Variants in ARMC2 observed in about 807,000 individuals in gnomAD.
The protein encoded by ARMC2 is armadillo repeat containing 2.
Under a neutral mutation model 90.3 loss-of-function variants are expected in ARMC2, and 67 were observed. The ratio of observed to expected loss-of-function variants is 0.74; its 90% CI spans 0.61 to 0.91. The LOEUF is 0.91. Ranked by LOEUF, ARMC2 falls within the 40% of genes least tolerant of loss-of-function variation. The pLI is 0.00. For synonymous variants in ARMC2, 393 were observed against 393.0 expected, an observed-to-expected ratio of 1.00 and a Z score of 0.00; for missense variants, 920 against 1,030.9, an observed-to-expected ratio of 0.89 and a Z score of 1.47.
the ARMC2 span, among the ~76,000 whole-genome samples, chr6:109,051,833 T>C: frequency 2.0e-5 from 3 of 152,202 alleles, no homozygotes; most frequent in Non-Finnish European, 2.9e-5. Context: ...TCTCCTTACA[T>C]GACAGAAGAC....
intron 6 of ARMC2, among the ~76,000 whole-genome samples, chr6:108,895,061 C>A (rs1771465050): frequency 6.6e-6 from 1 of 150,734 alleles, no homozygotes. Flanking sequence ...CCACCACGCC[C>A]GGCCTAGATG....
At chr6:109,006,438 T>TCCC in the ARMC2 span, among the ~76,000 whole-genome samples, 3 of 143,286 alleles carry the variant, frequency 2.1e-5, no homozygotes, top group Non-Finnish European at 3.0e-5. Context: ...CCTAATGCTA[T>TCCC]CCCTCCCCCC....
At chr6:108,863,922 T>C (rs1775541740) in intron 3 of ARMC2, among the ~76,000 whole-genome samples, 1 of 152,200 alleles carries the variant, frequency 6.6e-6, no homozygotes, top group African/African-American at 2.4e-5. Flanking sequence ...CCAGCCCCAC[T>C]TCTAACAGCG....
downstream of ARMC2, among the ~76,000 whole-genome samples, chr6:108,977,350 A>G (rs773677716): frequency 4.6e-5 from 7 of 152,226 alleles, no homozygotes; most frequent in South Asian, 2.1e-4. Context: ...GGTGAAGCCA[A>G]CTTGATCATG....
chr6:108,937,977 G>A (rs1056770043), intron 12 of ARMC2, among the ~76,000 whole-genome samples: 3 of 152,178 alleles, frequency 2.0e-5, no homozygotes, highest in African/African-American at 7.2e-5. Context: ...TGGGATTATA[G>A]GCGTGAGCCA....
At chr6:108,876,886 T>C (rs117427654) in intron 5 of ARMC2, among the ~76,000 whole-genome samples, 1,743 of 152,366 alleles carry the variant, frequency 0.011, 6 homozygotes, top group South Asian at 0.031. Flanking sequence ...TGGGAATTGC[T>C]TTATTTCATA....
At chr6:108,928,409 A>C (rs2798640) in intron 11 of ARMC2, among the ~76,000 whole-genome samples, 176 bp downstream of exon 11, 38,282 of 152,012 alleles carry the variant, frequency 0.25, 5,098 homozygotes, top group East Asian at 0.4. Context: ...AAACAAATGA[A>C]CCCATTGTCT....
chr6:108,855,291 C>T (rs970849479), intron 2 of ARMC2, among the ~76,000 whole-genome samples: 14 of 150,766 alleles, frequency 9.3e-5, no homozygotes, highest in African/African-American at 3.2e-4. Flanking sequence ...CTCTGTTGCC[C>T]AGGCTGGAGT....
At chr6:108,984,978 G>A in the ARMC2 span, among the ~76,000 whole-genome samples, 1 of 152,126 alleles carries the variant, frequency 6.6e-6, no homozygotes, top group Non-Finnish European at 1.5e-5. Flanking sequence ...GGGAGAATGA[G>A]GACGTGGAGT....
chr6:108,978,088 G>A (rs551805414), downstream of ARMC2, among the ~76,000 whole-genome samples: 4 of 152,288 alleles, frequency 2.6e-5, no homozygotes, highest in African/African-American at 9.6e-5. Context: ...TAGTTGTGAT[G>A]TTAGGGTGTC....
the ARMC2 span, chr6:108,986,467 A>AAAAT: frequency 6.5e-6 from 1 of 152,688 alleles, no homozygotes; most frequent in African/African-American, 2.4e-5. Context: ...TCTTTATTTA[A>AAAAT]AAATACCAGT....
At chr6:108,955,460 C>T (rs890314005) in intron 13 of ARMC2, among the ~76,000 whole-genome samples, 2 of 152,166 alleles carry the variant, frequency 1.3e-5, no homozygotes, top group African/African-American at 4.8e-5. Flanking sequence ...TTATTTTCAT[C>T]ATTTCACAGA....
chr6:108,993,330 T>A, the ARMC2 span, among the ~76,000 whole-genome samples: 1 of 152,160 alleles, frequency 6.6e-6, no homozygotes. Flanking sequence ...AAGAAAGAAA[T>A]CCCATGGGTT....
chr6:108,935,722 C>T (rs1335311602), intron 11 of ARMC2, among the ~76,000 whole-genome samples: 3 of 152,094 alleles, frequency 2.0e-5, no homozygotes, highest in South Asian at 2.1e-4. Flanking sequence ...GGGTTACAGG[C>T]GTGAGCCACT....
At chr6:108,871,955 A>G (rs574629672) in intron 4 of ARMC2, among the ~76,000 whole-genome samples, 3 of 152,216 alleles carry the variant, frequency 2.0e-5, no homozygotes, top group Non-Finnish European at 4.4e-5. Context: ...AGTCATTGTT[A>G]TTTTAAAAGC....
rs1293771294 is a variant in ARMC2 at position 108,910,879 on chromosome 6, A to G, written c.1024-20A>G. On this transcript the variant is annotated intron_variant, in intron 8 of 17. Transcript: ENST00000392644. ...GTCTTTATTTCCTTCTGCAATAGAG[A>G]TGTGTTTCTTTCTCTGCAGCTTAAA... The G allele has an allele frequency of 2.4e-6, 3 of 1,253,136 alleles. No individual in the cohort carries two copies. Among genetic ancestry groups the G allele is most frequent in the African/African-American group, 1.5e-5 (1 of 65,928 alleles). The allele number at this position is 1,253,136 out of a possible 1,614,324, so 77.6% of individuals were successfully genotyped here. A position where few individuals can be genotyped will look rare whatever the true frequency, so the allele number is the denominator to read the frequency against.
the ARMC2 span, chr6:108,998,564 A>G: frequency 1.9e-6 from 3 of 1,613,932 alleles, no homozygotes; most frequent in East Asian, 4.5e-5. Flanking sequence ...TGTGATTGCC[A>G]TTTGTAATGT....
intron 7 of ARMC2, among the ~76,000 whole-genome samples, 188 bp from the exon 8 acceptor site, chr6:108,904,042 A>T (rs184657070): frequency 1.1e-4 from 17 of 152,334 alleles, no homozygotes; most frequent in African/African-American, 3.6e-4. Flanking sequence ...ACATGGTAGG[A>T]GATGGATCAA....
At chr6:108,992,879 C>T in the ARMC2 span, 3 of 1,611,150 alleles carry the variant, frequency 1.9e-6, no homozygotes, top group African/African-American at 4.0e-5. Flanking sequence ...ACAGCTCTTG[C>T]TGGTGTAACT....
Sources: allele counts gnomAD v4.1 joint callset (sites outside exome capture counted in the v4.1 genomes callset), GRCh38; gene constraint gnomAD v4.1.1; transcripts MANE v1.5; gene names NCBI Gene and HGNC (gene_info 2026-07-23, HGNC 2026-07-21).